Variants in MECOM observed in about 807,000 individuals in gnomAD.
The protein encoded by MECOM is histone-lysine N-methyltransferase MECOM.
In MECOM, 13 loss-of-function variants were observed where a neutral mutation model predicts 116.3. That is an observed-to-expected ratio of 0.11 (90% confidence interval 0.07 to 0.18). MECOM has a LOEUF of 0.18. Ranked by LOEUF, MECOM falls within the 10% of genes least tolerant of loss-of-function variation. The probability of loss-of-function intolerance (pLI) is 1.00; values close to 1 mark genes in which losing one functional copy is unlikely to be tolerated. For synonymous variants in MECOM, 528 were observed against 535.2 expected, an observed-to-expected ratio of 0.99 and a Z score of 0.19; for missense variants, 1,299 against 1,509.0, an observed-to-expected ratio of 0.86 and a Z score of 2.31.
At chr3:169,292,358 A>T (rs537010019) in intron 2 of MECOM, among the ~76,000 whole-genome samples, 1 of 152,310 alleles carries the variant, frequency 6.6e-6, no homozygotes, top group African/African-American at 2.4e-5. Context: ...AAAGATAATC[A>T]TAAACATAAA....
chr3:169,232,581 T>A (rs1222830550), intron 2 of MECOM, among the ~76,000 whole-genome samples: 1 of 151,698 alleles, frequency 6.6e-6, no homozygotes, highest in Non-Finnish European at 1.5e-5. Flanking sequence ...AAGAAATGAG[T>A]TGCAGAGGGA....
rs10576266 is a variant in MECOM, at chr3:169,180,794, GAT to G, written c.376-36964_376-36963del. Among the ~76,000 whole-genome samples, 161 of 108,510 alleles carry G rather than the reference GAT, an allele frequency of 1.5e-3. 6 individuals carry two copies. The highest frequency in any genetic ancestry group is 1.3e-3 in the Admixed American group (14 of 10,580). 71.2% of individuals were successfully genotyped at this position (108,510 alleles called of 152,430 possible). On this transcript the variant is annotated intron_variant, in intron 2 of 16. Transcript: ENST00000651503. The stretch of plus-strand genomic sequence containing the variant: ...TATGTATGTGTGTGTGTGTGGAGAT[GAT>G]ATATATATATATATATATCAGGCTG...
intron 2 of MECOM, among the ~76,000 whole-genome samples, chr3:169,310,502 G>A (rs182260219): frequency 6.8e-4 from 104 of 152,264 alleles, no homozygotes; most frequent in Admixed American, 1.6e-3. Context: ...CATTAATTCT[G>A]GAAAGTCATT....
intron 2 of MECOM, among the ~76,000 whole-genome samples, chr3:169,225,538 A>G (rs982566795): frequency 7.2e-5 from 11 of 152,328 alleles, no homozygotes; most frequent in Non-Finnish European, 1.6e-4. Flanking sequence ...CCCATACCCA[A>G]AGATATTCTA....
At chr3:169,163,502 T>C (rs1743141691) in intron 2 of MECOM, among the ~76,000 whole-genome samples, 2 of 152,184 alleles carry the variant, frequency 1.3e-5, no homozygotes, top group South Asian at 4.1e-4. Flanking sequence ...GCCTATTCTA[T>C]GTAGAAAGCT....
At position 169,374,892 on chromosome 3, in the gene MECOM, C is replaced by T. The variant is rs775948489; in HGVS notation, c.375+6295G>A. Among the ~76,000 whole-genome samples the T allele has an allele frequency of 1.8e-4, 27 of 151,528 alleles. 1 individual carries two copies. Among genetic ancestry groups the T allele is most frequent in the Admixed American group, 1.2e-3 (18 of 15,174 alleles). On this transcript the variant is annotated intron_variant, in intron 2 of 16. Transcript: ENST00000651503. ...TACAAAAGATGTTTTTTTTAATTAG[C>T]GAGTCATGGTGGTACACATCTGTAG...
chr3:169,310,110 A>G (rs1471874835), intron 2 of MECOM, among the ~76,000 whole-genome samples: 1 of 152,206 alleles, frequency 6.6e-6, no homozygotes, highest in Non-Finnish European at 1.5e-5. Flanking sequence ...AAAGCACACA[A>G]TTCCCTTGAG....
chr3:169,339,103 G>A (rs1002339593), intron 2 of MECOM, among the ~76,000 whole-genome samples: 2 of 152,120 alleles, frequency 1.3e-5, no homozygotes, highest in Non-Finnish European at 2.9e-5. Flanking sequence ...AATGTAGGTC[G>A]TTAGCATCTA....
At chr3:169,497,693 T>C (rs2108956866) in intron 1 of MECOM, among the ~76,000 whole-genome samples, 1 of 152,324 alleles carries the variant, frequency 6.6e-6, no homozygotes, top group Non-Finnish European at 1.5e-5. Context: ...TGCATACCTT[T>C]GCCAAAACAA....
intron 2 of MECOM, among the ~76,000 whole-genome samples, chr3:169,237,610 C>CAAAAAAA (rs775383808): frequency 1.2e-5 from 1 of 80,646 alleles, no homozygotes; most frequent in Non-Finnish European, 2.5e-5. Context: ...GTCTCCATCA[C>CAAAAAAA]AAAAAAAAAA....
chr3:169,569,898 T>C (rs1205939494), intron 1 of MECOM, among the ~76,000 whole-genome samples: 2 of 151,854 alleles, frequency 1.3e-5, no homozygotes, highest in Admixed American at 6.6e-5. Flanking sequence ...GCAGGAAAGA[T>C]CTAAAATCAA....
At chr3:169,097,623 C>T (rs1312303493) in intron 12 of MECOM, among the ~76,000 whole-genome samples, 1 of 151,728 alleles carries the variant, frequency 6.6e-6, no homozygotes, top group Admixed American at 6.6e-5. Context: ...TGAATTTTTT[C>T]ATTTGTAAAA....
chr3:169,394,983 A>G (rs192270262), intron 1 of MECOM, among the ~76,000 whole-genome samples: 2 of 152,342 alleles, frequency 1.3e-5, no homozygotes, highest in African/African-American at 2.4e-5. Context: ...TTTTTTCTAG[A>G]TGGAAAAGAA....
chr3:169,292,168 C>G (rs922921563), intron 2 of MECOM, among the ~76,000 whole-genome samples: 1 of 151,924 alleles, frequency 6.6e-6, no homozygotes, highest in African/African-American at 2.4e-5. Flanking sequence ...CATGGTGAAA[C>G]CCTGTCTCTA....
chr3:169,188,922 A>G (rs1038915938), intron 2 of MECOM, among the ~76,000 whole-genome samples: 1 of 152,122 alleles, frequency 6.6e-6, no homozygotes, highest in African/African-American at 2.4e-5. Flanking sequence ...AGCTCTGCCC[A>G]TATTTCCAAA....
At chr3:169,403,571 A>G (rs557537224) in intron 1 of MECOM, among the ~76,000 whole-genome samples, 9 of 152,354 alleles carry the variant, frequency 5.9e-5, no homozygotes, top group African/African-American at 2.2e-4. Context: ...CATTTTAAGA[A>G]ATATAAAAGG....
At position 169,516,096 on chromosome 3, in the gene MECOM, G is replaced by A. The variant is rs1035095531; in HGVS notation, c.38-134572C>T. 7.9e-5 allele frequency among the ~76,000 whole-genome samples: 12 copies of A among 152,202 alleles called. No homozygotes were observed. The East Asian group carries it at 1.9e-3, about 24-fold the overall frequency. ...GAGAAGTATTTAAGGAAAAAAACTC[G>A]AAACCTTGACAATATGGTCATTTGA... On this transcript the variant is annotated intron_variant, in intron 1 of 16. Coordinates refer to ENST00000651503, the MANE Select transcript of MECOM (RefSeq NM_004991.4).
At chr3:169,229,432 T>C (rs1382073428) in intron 2 of MECOM, among the ~76,000 whole-genome samples, 2 of 152,194 alleles carry the variant, frequency 1.3e-5, no homozygotes, top group African/African-American at 4.8e-5. Flanking sequence ...CTTGGTCTTC[T>C]GATCAGAGTT....
intron 1 of MECOM, among the ~76,000 whole-genome samples, chr3:169,382,217 G>A (rs1275183093): frequency 2.0e-5 from 3 of 152,160 alleles, no homozygotes; most frequent in South Asian, 2.1e-4. Context: ...TTCCAGCGGG[G>A]AAAGGGAGAG....
Sources: allele counts gnomAD v4.1 joint callset (sites outside exome capture counted in the v4.1 genomes callset), GRCh38; gene constraint gnomAD v4.1.1; transcripts MANE v1.5; gene names NCBI Gene and HGNC (gene_info 2026-07-23, HGNC 2026-07-21).